The following NALF1 variants were observed in gnomAD, a reference collection of about 807,000 sequenced individuals.
NALF1 encodes the protein family with sequence similarity 155 member A.
In NALF1, 3 loss-of-function variants were observed where a neutral mutation model predicts 48.4. The observed-to-expected ratio is 0.06, with a 90% CI of 0.03 to 0.16. The LOEUF (loss-of-function observed/expected upper bound fraction) is 0.16, where lower values mean the gene tolerates loss of function less well. Among genes scored for constraint, NALF1 ranks in the 10% least tolerant of loss-of-function variants. The pLI, the probability that NALF1 is intolerant of heterozygous loss-of-function variation, is 1.00. For missense variants in NALF1, 526 were observed against 571.5 expected (o/e 0.92, Z 0.81); for synonymous variants, 262 against 245.7 (o/e 1.07, Z -0.62).
At chr13:107,502,089 C>G (rs377321985) in intron 1 of NALF1, among the ~76,000 whole-genome samples, 1 of 152,100 alleles carries the variant, frequency 6.6e-6, no homozygotes, top group African/African-American at 2.4e-5. Context: ...GTCAAGAATA[C>G]AAAGAATGCA....
intron 1 of NALF1, among the ~76,000 whole-genome samples, chr13:107,807,486 G>C (rs988534230): frequency 1.3e-5 from 2 of 152,194 alleles, no homozygotes; most frequent in Non-Finnish European, 2.9e-5. Flanking sequence ...AAAAGTCATT[G>C]AGCCAGTAGA....
intron 2 of NALF1, among the ~76,000 whole-genome samples, chr13:107,190,098 T>C (rs1879251373): frequency 6.6e-6 from 1 of 152,198 alleles, no homozygotes; most frequent in African/African-American, 2.4e-5. Context: ...AGTGTTACTG[T>C]TTAGTATATT....
chr13:107,573,568 G>C (rs1318719460), intron 1 of NALF1, among the ~76,000 whole-genome samples: 1 of 152,120 alleles, frequency 6.6e-6, no homozygotes, highest in Non-Finnish European at 1.5e-5. Context: ...ACTTGTAGGT[G>C]ATGTCCAGGA....
chr13:107,175,152 G>A (rs1253922494), intron 2 of NALF1, among the ~76,000 whole-genome samples: 1 of 151,042 alleles, frequency 6.6e-6, no homozygotes, highest in African/African-American at 2.4e-5. Context: ...GCCTCCCAAA[G>A]TGCTGGGATT....
chr13:107,499,439 G>A (rs1260579617), intron 1 of NALF1, among the ~76,000 whole-genome samples: 1 of 152,074 alleles, frequency 6.6e-6, no homozygotes, highest in Non-Finnish European at 1.5e-5. Flanking sequence ...CAAACTCCTG[G>A]GCTGGGGGAT....
chr13:107,273,897 T>C (rs769958825), intron 1 of NALF1, among the ~76,000 whole-genome samples: 3 of 152,102 alleles, frequency 2.0e-5, no homozygotes, highest in Non-Finnish European at 2.9e-5. Flanking sequence ...TTTGCAAGTT[T>C]TGGTGGGTAG....
intron 1 of NALF1, among the ~76,000 whole-genome samples, chr13:107,664,695 A>G (rs183247490): frequency 5.8e-4 from 89 of 152,294 alleles, no homozygotes; most frequent in Admixed American, 2.7e-3. Context: ...TTTCTCTTCA[A>G]TGCATTCTGT....
intron 1 of NALF1, among the ~76,000 whole-genome samples, chr13:107,634,434 T>C (rs1879920127): frequency 6.6e-6 from 1 of 152,058 alleles, no homozygotes; most frequent in Admixed American, 6.6e-5. Flanking sequence ...AAAAGGCAAA[T>C]GTAAGCATGA....
intron 1 of NALF1, among the ~76,000 whole-genome samples, chr13:107,786,704 C>T (rs1047270664): frequency 1.3e-5 from 2 of 151,944 alleles, no homozygotes; most frequent in African/African-American, 4.8e-5. Flanking sequence ...TGCACTCCAG[C>T]CTGGGCAACA....
intron 1 of NALF1, among the ~76,000 whole-genome samples, chr13:107,417,245 C>T (rs1013829630): frequency 1.3e-4 from 20 of 152,178 alleles, no homozygotes; most frequent in African/African-American, 4.8e-4. Flanking sequence ...TATACTCAAA[C>T]CATTTTTGTC....
chr13:107,705,185 T>C (rs1881917275), intron 1 of NALF1, among the ~76,000 whole-genome samples: 1 of 152,172 alleles, frequency 6.6e-6, no homozygotes, highest in South Asian at 2.1e-4. Context: ...TGTAAATTGG[T>C]GGGAACAAGA....
chr13:107,656,516 T>C (rs1325328676), intron 1 of NALF1, among the ~76,000 whole-genome samples: 2 of 152,126 alleles, frequency 1.3e-5, no homozygotes, highest in African/African-American at 4.8e-5. Context: ...ATAATAGATG[T>C]TGGCATGGAT....
rs1438384252 is a variant in NALF1, at chr13:107,169,625, T to G, written c.*872A>C. 1.3e-5 allele frequency: 2 copies of G among 152,270 alleles called. No individual in the cohort carries two copies. Among genetic ancestry groups the G allele is most frequent in the African/African-American group, 2.4e-5 (1 of 41,454 alleles). The allele number at this position is 152,270 out of a possible 1,614,324, so 9.4% of individuals were successfully genotyped here. A position where few individuals can be genotyped will look rare whatever the true frequency, so the allele number is the denominator to read the frequency against. On this transcript the variant is annotated 3_prime_UTR_variant, in exon 3 of 3. Transcript: ENST00000375915. ...GGGATGGGAACTGGAGCAATACAGT[T>G]CATGATAGTTTTTTTTAATTTTTTC...
intron 1 of NALF1, among the ~76,000 whole-genome samples, chr13:107,803,064 T>A (rs1316101646): frequency 2.0e-5 from 3 of 152,204 alleles, no homozygotes; most frequent in Non-Finnish European, 4.4e-5. Flanking sequence ...TTCGTTTATA[T>A]ATTCAGTTAT....
chr13:107,649,958 T>G (rs1177110041), intron 1 of NALF1, among the ~76,000 whole-genome samples: 1 of 152,174 alleles, frequency 6.6e-6, no homozygotes, highest in Non-Finnish European at 1.5e-5. Flanking sequence ...TCAATACTTG[T>G]AAGTTACTTT....
chr13:107,534,308 T>C (rs1304195437), intron 1 of NALF1, among the ~76,000 whole-genome samples: 2 of 152,124 alleles, frequency 1.3e-5, no homozygotes, highest in Admixed American at 1.3e-4. Context: ...ATTTTAAAAT[T>C]GCTAAAATAT....
At chr13:107,263,622 A>G (rs1024016906) in intron 1 of NALF1, among the ~76,000 whole-genome samples, 4 of 152,060 alleles carry the variant, frequency 2.6e-5, no homozygotes, top group Non-Finnish European at 5.9e-5. Context: ...AATCCCTTTC[A>G]TTTGGTTCTC....
At chr13:107,369,650 G>T (rs1267543939) in intron 1 of NALF1, among the ~76,000 whole-genome samples, 1 of 151,916 alleles carries the variant, frequency 6.6e-6, no homozygotes, top group Non-Finnish European at 1.5e-5. Context: ...GTCTCTGCTT[G>T]GATTTCTAAG....
intron 1 of NALF1, among the ~76,000 whole-genome samples, chr13:107,402,304 C>G (rs1360091319): frequency 6.6e-6 from 1 of 152,108 alleles, no homozygotes; most frequent in African/African-American, 2.4e-5. Flanking sequence ...GTCCAACTAC[C>G]CAGAAGAACC....
Sources: gnomAD v4.1 joint callset for allele counts (sites outside exome capture counted in the v4.1 genomes callset) on GRCh38, gnomAD v4.1.1 for gene constraint, MANE v1.5 for transcripts, NCBI Gene and HGNC (gene_info 2026-07-23, HGNC 2026-07-21) for gene names.